The following RGS6 variants were observed in gnomAD, a reference collection of about 807,000 sequenced individuals.
RGS6 encodes regulator of G-protein signaling 6.
RGS6 carries 30 observed loss-of-function variants against 78.5 expected under a neutral mutation model. The observed-to-expected ratio is 0.38, with a 90% confidence interval of 0.29 to 0.52. The LOEUF (loss-of-function observed/expected upper bound fraction) is 0.52, where lower values mean the gene tolerates loss of function less well. Ranked by LOEUF, RGS6 falls within the 20% of genes least tolerant of loss-of-function variation. RGS6 has a pLI of 0.85. For synonymous variants in RGS6, 206 were observed against 206.0 expected (o/e 1.00, Z 0.00); for missense variants, 495 against 609.7 (o/e 0.81, Z 1.98).
chr14:72,001,011 A>G (rs947307552), intron 2 of RGS6, among the ~76,000 whole-genome samples: 19 of 152,328 alleles, frequency 1.2e-4, no homozygotes, highest in African/African-American at 4.6e-4. Flanking sequence ...GCAAGTTGAA[A>G]GAGGAACACC....
chr14:71,886,269 TCTTA>T, the RGS6 span, among the ~76,000 whole-genome samples: 1 of 152,200 alleles, frequency 6.6e-6, no homozygotes, highest in Non-Finnish European at 1.5e-5. Flanking sequence ...TGTCTGAAAC[TCTTA>T]CTGTTTAAGA....
At chr14:72,047,892 A>ATTTT (rs1470612017) in intron 2 of RGS6, among the ~76,000 whole-genome samples, 2 of 83,434 alleles carry the variant, frequency 2.4e-5, no homozygotes, top group Non-Finnish European at 4.5e-5. Context: ...TGCCCAGCTA[A>ATTTT]TTTTTGTTTT....
At chr14:72,615,354 G>T in the RGS6 span, among the ~76,000 whole-genome samples, 1 of 152,128 alleles carries the variant, frequency 6.6e-6, no homozygotes, top group Non-Finnish European at 1.5e-5. Context: ...AAAGAGCACA[G>T]GTCTCCTCCA....
chr14:72,259,240 T>C (rs2057664116), intron 2 of RGS6, among the ~76,000 whole-genome samples: 1 of 152,232 alleles, frequency 6.6e-6, no homozygotes, highest in African/African-American at 2.4e-5. Flanking sequence ...AATAACATTT[T>C]TAAGTTTTCT....
chr14:72,450,371 C>T (rs1234149526), intron 3 of RGS6, among the ~76,000 whole-genome samples: 1 of 152,146 alleles, frequency 6.6e-6, no homozygotes, highest in Non-Finnish European at 1.5e-5. Flanking sequence ...AATTGAAATA[C>T]ATATAACACA....
At chr14:72,393,497 A>G (rs1383395493) in intron 3 of RGS6, among the ~76,000 whole-genome samples, 1 of 152,154 alleles carries the variant, frequency 6.6e-6, no homozygotes, top group Non-Finnish European at 1.5e-5. Context: ...TTTTCAGATA[A>G]TGAAGCTAAG....
chr14:72,458,190 T>G (rs542890995), intron 4 of RGS6, 81 bp from the exon 5 acceptor site: 76 of 1,050,280 alleles, frequency 7.2e-5, no homozygotes, highest in Non-Finnish European at 1.0e-4. Flanking sequence ...TGATGACAGT[T>G]GACTTCTGGT....
At chr14:72,389,430 G>A (rs372729047) in intron 3 of RGS6, among the ~76,000 whole-genome samples, 1 of 152,282 alleles carries the variant, frequency 6.6e-6, no homozygotes, top group South Asian at 2.1e-4. Flanking sequence ...TGCTCCCTTG[G>A]GGGTAGGCCA....
At chr14:72,481,062 C>T (rs942090996) in intron 12 of RGS6, among the ~76,000 whole-genome samples, 6 of 151,940 alleles carry the variant, frequency 3.9e-5, no homozygotes, top group African/African-American at 7.3e-5. Flanking sequence ...GGTCTGAAAC[C>T]GACCATCGAG....
chr14:71,958,050 TTTAA>T (rs549650285), intron 1 of RGS6, among the ~76,000 whole-genome samples: 216 of 152,146 alleles, frequency 1.4e-3, no homozygotes, highest in Admixed American at 3.1e-3. Flanking sequence ...GCTTTGATAA[TTTAA>T]TTAGTTTAGC....
intron 3 of RGS6, among the ~76,000 whole-genome samples, chr14:72,439,063 A>G (rs1175218504): frequency 6.6e-6 from 1 of 152,176 alleles, no homozygotes; most frequent in Non-Finnish European, 1.5e-5. Flanking sequence ...TTTATTCTCA[A>G]TGAATGAAGT....
chr14:72,202,949 T>A (rs1248262388), intron 2 of RGS6, among the ~76,000 whole-genome samples: 2 of 152,088 alleles, frequency 1.3e-5, no homozygotes, highest in Non-Finnish European at 2.9e-5. Flanking sequence ...CTCTGCTCAC[T>A]GCAAGCTCCG....
intron 2 of RGS6, among the ~76,000 whole-genome samples, chr14:72,255,079 G>A (rs1260180323): frequency 6.6e-6 from 1 of 152,204 alleles, no homozygotes; most frequent in Non-Finnish European, 1.5e-5. Flanking sequence ...GAAGCACAGA[G>A]TGAGGCATGA....
the RGS6 span, among the ~76,000 whole-genome samples, chr14:72,592,955 T>A: frequency 6.6e-6 from 1 of 152,150 alleles, no homozygotes; most frequent in Non-Finnish European, 1.5e-5. Flanking sequence ...TGTAAGCCAA[T>A]GGTACAGGGA....
chr14:72,268,507 C>T (rs375623678), intron 2 of RGS6, among the ~76,000 whole-genome samples: 4 of 152,216 alleles, frequency 2.6e-5, no homozygotes, highest in African/African-American at 9.6e-5. Flanking sequence ...TTCCTCACTT[C>T]CTCCCTCTCT....
intron 3 of RGS6, among the ~76,000 whole-genome samples, chr14:72,409,813 G>A (rs1309638115): frequency 7.9e-5 from 12 of 151,972 alleles, no homozygotes; most frequent in East Asian, 1.9e-4. Context: ...AACATGCAGC[G>A]TTTGGTTTTT....
At chr14:72,267,704 T>C (rs2059292198) in intron 2 of RGS6, among the ~76,000 whole-genome samples, 2 of 152,196 alleles carry the variant, frequency 1.3e-5, no homozygotes, top group Admixed American at 6.5e-5. Flanking sequence ...AATGGCTTCC[T>C]AAAAGCCAGC....
At chr14:72,133,350 A>T (rs2096368787) in intron 2 of RGS6, among the ~76,000 whole-genome samples, 1 of 151,824 alleles carries the variant, frequency 6.6e-6, no homozygotes, top group African/African-American at 2.4e-5. Flanking sequence ...CTCAGCTCTT[A>T]CCTTAGAATT....
intron 2 of RGS6, among the ~76,000 whole-genome samples, chr14:72,010,909 C>T (rs117194051): frequency 0.017 from 2,602 of 152,290 alleles, 30 homozygotes; most frequent in Middle Eastern, 0.041. Flanking sequence ...TGCTTTTGTT[C>T]TGTGTTTCTG....
Sources: allele counts gnomAD v4.1 joint callset (sites outside exome capture counted in the v4.1 genomes callset), GRCh38; gene constraint gnomAD v4.1.1; transcripts MANE v1.5; gene names NCBI Gene and HGNC (gene_info 2026-07-23, HGNC 2026-07-21).